The following TCF12 variants were observed in gnomAD, a reference collection of about 807,000 sequenced individuals.
TCF12 encodes the protein transcription factor 12.
TCF12 carries 45 observed loss-of-function variants against 86.0 expected under a neutral mutation model. That is an observed-to-expected ratio of 0.52 (90% confidence interval 0.41 to 0.67). The LOEUF is 0.67. Among genes scored for constraint, TCF12 ranks in the 30% least tolerant of loss-of-function variants. The pLI, the probability that TCF12 is intolerant of heterozygous loss-of-function variation, is 0.00. For synonymous variants in TCF12, 330 were observed against 299.6 expected (o/e 1.10, Z -1.05); for missense variants, 881 against 859.9 (o/e 1.02, Z -0.31).
At chr15:56,934,219 A>G (rs1195606891) in intron 3 of TCF12, among the ~76,000 whole-genome samples, 6 of 152,118 alleles carry the variant, frequency 3.9e-5, no homozygotes, top group Non-Finnish European at 7.4e-5. Flanking sequence ...GACAAAGTTA[A>G]CCCCAGGCTT....
chr15:57,252,464 C>T lies in TCF12; in HGVS notation c.1232C>T (p.Ala411Val). The T allele has an allele frequency of 6.2e-7, 1 of 1,613,900 alleles. No individual in the cohort carries two copies. The highest frequency in any genetic ancestry group is 1.1e-5 in the South Asian group (1 of 91,058). The change falls in exon 15 of 21, where the codon GCA becomes GTA. Residue 411 changes from alanine (A) to valine (V), a missense_variant. Ala to Val is a moderately conservative substitution (Grantham distance 64). Around this residue, in one of 3 missense-constraint regions of TCF12, gnomAD observed 766 missense variants for 718.9 expected, o/e 1.07. Coordinates refer to ENST00000333725, the MANE Select transcript of TCF12 (RefSeq NM_207037.2). ...CAACTTCACGAGCATTTGCAAGATGCAATGTCCTTCTTAAAGGATGTCTGT... is the reference window on the plus strand; with the variant it reads ...CAACTTCACGAGCATTTGCAAGATGTAATGTCCTTCTTAAAGGATGTCTGT... The part of the protein sequence containing the change: ...EQQLHEHLQD[A>V]MSFLKDVCEQ...
chr15:57,143,162 A>C (rs1313049491), intron 5 of TCF12, among the ~76,000 whole-genome samples: 3 of 83,406 alleles, frequency 3.6e-5, no homozygotes, highest in African/African-American at 9.5e-5. Flanking sequence ...CCCCCCCACC[A>C]AAAAAAAAAA....
At chr15:57,258,259 G>A (rs548017659) in intron 16 of TCF12, among the ~76,000 whole-genome samples, 25 of 152,114 alleles carry the variant, frequency 1.6e-4, no homozygotes, top group Middle Eastern at 3.4e-3. Flanking sequence ...CACCCTGAGT[G>A]ACAAAGTGAG....
chr15:57,149,136 G>T (rs1273311288), intron 5 of TCF12, among the ~76,000 whole-genome samples: 10 of 152,128 alleles, frequency 6.6e-5, no homozygotes, highest in African/African-American at 2.4e-4. Context: ...CAAAATAAAT[G>T]TAAATATGAC....
chr15:57,250,004 ATTCT>A (rs1480706987), intron 13 of TCF12, among the ~76,000 whole-genome samples: 1 of 151,484 alleles, frequency 6.6e-6, no homozygotes, highest in African/African-American at 2.4e-5. Context: ...CTTTTTTTTC[ATTCT>A]TTATACTCTG....
intron 8 of TCF12, 92 bp downstream of exon 8, chr15:57,197,917 G>T: frequency 1.6e-6 from 2 of 1,250,820 alleles, no homozygotes; most frequent in Admixed American, 2.0e-5. Flanking sequence ...CGATTGATGC[G>T]AGTGGGCATA....
At position 57,232,951 on chromosome 15, in the gene TCF12, A is replaced by C. The variant is rs944907776; in HGVS notation, c.970+95A>C. ...ATATATATGTATGTTTTATATATATAAATGTTATATATATGTATATATGTT... is the reference window on the plus strand; with the variant it reads ...ATATATATGTATGTTTTATATATATCAATGTTATATATATGTATATATGTT... On this transcript the variant is annotated intron_variant, in intron 11 of 20. Transcript: ENST00000333725. 9 of 794,016 alleles carry C rather than the reference A, an allele frequency of 1.1e-5. 1 individual carries two copies. In the East Asian group the frequency reaches 4.4e-4, roughly 39 times the overall value. 49.2% of individuals were successfully genotyped at this position (794,016 alleles called of 1,614,324 possible).
chr15:57,217,605 G>T (rs111530681), intron 8 of TCF12, among the ~76,000 whole-genome samples: 1 of 152,130 alleles, frequency 6.6e-6, no homozygotes, highest in Non-Finnish European at 1.5e-5. Context: ...TTATAAAAAT[G>T]TTGAAGTATT....
In TCF12 at chr15:57,166,437, A is replaced by G. The variant is rs778005231; in HGVS notation, c.361A>G (p.Ser121Gly). ...TSERGSFSLY[S>G]RDTGLPGCQS... ...AGAGAGAGGCTCATTTTCCCTGTACAGCAGAGATACTGGATTACCAGGCTG... is the reference window on the plus strand; with the variant it reads ...AGAGAGAGGCTCATTTTCCCTGTACGGCAGAGATACTGGATTACCAGGCTG... Residue 121 changes from serine (S) to glycine (G), a missense_variant, in exon 6 of 21, where the codon AGC (serine) becomes GGC (glycine). Physicochemically the swap from Ser to Gly is moderately conservative, Grantham distance 56. This residue lies in a region of TCF12 where 766 missense variants were observed against 718.9 expected (regional missense o/e 1.07). Coordinates refer to ENST00000333725, the MANE Select transcript of TCF12 (RefSeq NM_207037.2). 5 of 1,613,088 alleles carry G rather than the reference A, an allele frequency of 3.1e-6. No individual in the cohort carries two copies. The Admixed American group carries it at 6.7e-5, about 22-fold the overall frequency.
chr15:56,965,551 G>C (rs1295509062), intron 3 of TCF12, among the ~76,000 whole-genome samples: 1 of 152,058 alleles, frequency 6.6e-6, no homozygotes, highest in African/African-American at 2.4e-5. Flanking sequence ...GTTTGGAAAA[G>C]AATCATTAGT....
At chr15:57,282,692 A>T in intron 20 of TCF12, 94 bp downstream of exon 20, 1 of 1,421,824 alleles carries the variant, frequency 7.0e-7, no homozygotes, top group Non-Finnish European at 9.5e-7. Flanking sequence ...TCTAGTGAGC[A>T]GTGGCCATTG....
intron 3 of TCF12, among the ~76,000 whole-genome samples, chr15:57,035,202 AATG>A (rs1432657663): frequency 6.6e-6 from 1 of 152,216 alleles, no homozygotes; most frequent in Non-Finnish European, 1.5e-5. Context: ...ACACACAGTG[AATG>A]ACTTCGGGGT....
chr15:57,250,688 CA>C (rs1307993830), intron 13 of TCF12, among the ~76,000 whole-genome samples: 1 of 151,492 alleles, frequency 6.6e-6, no homozygotes, highest in Non-Finnish European at 1.5e-5. Flanking sequence ...AAGATTGTAC[CA>C]GTGCACTCCA....
chr15:56,943,377 AT>A (rs1357663087), intron 3 of TCF12, among the ~76,000 whole-genome samples: 2 of 152,212 alleles, frequency 1.3e-5, no homozygotes, highest in Middle Eastern at 3.2e-3. Flanking sequence ...CAATCATAAG[AT>A]TTCAGTTTTA....
At chr15:57,230,153 A>C (rs1188916087) in intron 8 of TCF12, among the ~76,000 whole-genome samples, 1 of 151,978 alleles carries the variant, frequency 6.6e-6, no homozygotes, top group African/African-American at 2.4e-5. Flanking sequence ...TTAATACATG[A>C]TTTTTAAAAT....
At chr15:57,004,340 T>C (rs1379861714) in intron 3 of TCF12, among the ~76,000 whole-genome samples, 5 of 151,990 alleles carry the variant, frequency 3.3e-5, no homozygotes, top group African/African-American at 1.2e-4. Context: ...CGAGTTCAAG[T>C]GATTCTCCTG....
At chr15:57,151,297 T>C (rs1474956946) in intron 5 of TCF12, among the ~76,000 whole-genome samples, 2 of 151,884 alleles carry the variant, frequency 1.3e-5, no homozygotes, top group East Asian at 3.9e-4. Flanking sequence ...ATGTCATTTT[T>C]AGAGAGAAGA....
At chr15:57,063,676 C>A in intron 3 of TCF12, 74 bp from the exon 4 acceptor site, 2 of 1,258,400 alleles carry the variant, frequency 1.6e-6, no homozygotes, top group Non-Finnish European at 2.2e-6. Context: ...CTAAATTGTA[C>A]TCTGCTGTCC....
Position 57,186,123 on chromosome 15 carries a change from C to T in TCF12, c.391-6035C>T, listed in dbSNP as rs562475627. The stretch of plus-strand genomic sequence containing the variant: ...CCTAGATATAAACACACTACCAAAA[C>T]TGGCTTAAGAAGAAATAGAAAATCT... On this transcript the variant is annotated intron_variant, in intron 6 of 20. Transcript: ENST00000333725. 3.2e-4 allele frequency among the ~76,000 whole-genome samples: 49 copies of T among 152,280 alleles called. No homozygotes were observed. In the South Asian group the frequency reaches 0.01, roughly 32 times the overall value.
Sources: allele counts gnomAD v4.1 joint callset (sites outside exome capture counted in the v4.1 genomes callset), GRCh38; gene constraint gnomAD v4.1.1; regional missense constraint gnomAD v4.1.1; transcripts MANE v1.5; gene names NCBI Gene and HGNC (gene_info 2026-07-23, HGNC 2026-07-21).